RBFOX1: variants seen among roughly 807,000 people sequenced by gnomAD.
RBFOX1 encodes the protein RNA binding protein fox-1 homolog 1.
RBFOX1 carries 8 observed loss-of-function variants against 57.7 expected under a neutral mutation model. That is an observed-to-expected ratio of 0.14 (90% CI 0.08 to 0.25). The LOEUF is 0.25. RBFOX1 is among the 10% of genes least tolerant of loss of function. The probability of loss-of-function intolerance (pLI) is 1.00; values close to 1 mark genes in which losing one functional copy is unlikely to be tolerated. For missense variants in RBFOX1, 611 were observed against 548.5 expected, an observed-to-expected ratio of 1.11 and a Z score of -1.14; for synonymous variants, 326 against 222.4, an observed-to-expected ratio of 1.47 and a Z score of -4.15.
At chr16:5,734,216 C>A (rs923338397) in intron 3 of RBFOX1, among the ~76,000 whole-genome samples, 1 of 152,112 alleles carries the variant, frequency 6.6e-6, no homozygotes, top group Admixed American at 6.5e-5. Context: ...GCAATCTTAG[C>A]GCTTTGAGAG....
chr16:5,319,697 C>T (rs906057153), intron 1 of RBFOX1, among the ~76,000 whole-genome samples: 1 of 152,180 alleles, frequency 6.6e-6, no homozygotes, highest in African/African-American at 2.4e-5. Context: ...GAAAGTCACA[C>T]TAGAGGCTGC....
intron 3 of RBFOX1, among the ~76,000 whole-genome samples, chr16:5,856,335 T>TTA (rs55763325): frequency 0.058 from 6,091 of 104,484 alleles, 310 homozygotes; most frequent in East Asian, 0.16. Flanking sequence ...AACTGTTATA[T>TTA]TATATATATA....
rs118174360 is a variant in RBFOX1 at position 6,358,191 on chromosome 16, A to G, written c.-64+41134A>G. Among the ~76,000 whole-genome samples, 1,084 of 152,230 alleles carry G rather than the reference A, an allele frequency of 7.1e-3. 10 individuals are homozygous for G. Among genetic ancestry groups the G allele is most frequent in the Non-Finnish European group, 0.012 (787 of 67,996 alleles). ...TTCCTAATGTGCAGATCCATGAAAC[A>G]CTGACACCTCCTTCATGAGACTGTG... is the stretch of plus-strand genomic sequence containing the variant. On this transcript the variant is annotated intron_variant, in intron 2 of 15. Transcript: ENST00000550418.
chr16:7,336,982 G>T (rs1272359890), intron 4 of RBFOX1, among the ~76,000 whole-genome samples: 1 of 152,030 alleles, frequency 6.6e-6, no homozygotes, highest in East Asian at 1.9e-4. Context: ...CCCTGCTGAG[G>T]GCTTTACATA....
rs141054131 is a variant in RBFOX1, at chr16:6,575,969, C to T, written c.-63-78634C>T. Among the ~76,000 whole-genome samples, 850 of 151,882 alleles carry T rather than the reference C, an allele frequency of 5.6e-3. 19 individuals are homozygous for T. The highest frequency in any genetic ancestry group is 0.053 in the Admixed American group (804 of 15,240). ...AGTGATGGTGGTGGTAGGCATGGTG[C>T]GTTACATCAAAAAATAATTTTTTAT... On this transcript the variant is annotated intron_variant, in intron 2 of 15. Coordinates refer to ENST00000550418, the MANE Select transcript of RBFOX1 (RefSeq NM_018723.4).
chr16:6,974,607 A>G (rs2086384544), intron 3 of RBFOX1, among the ~76,000 whole-genome samples: 1 of 151,880 alleles, frequency 6.6e-6, no homozygotes. Flanking sequence ...GGCCTCCCAA[A>G]GTGCTGGGAT....
intron 3 of RBFOX1, among the ~76,000 whole-genome samples, chr16:5,857,563 G>A (rs1466041747): frequency 1.3e-5 from 2 of 152,150 alleles, no homozygotes; most frequent in Non-Finnish European, 2.9e-5. Flanking sequence ...GGCTGTGACA[G>A]CCAAATATGC....
At chr16:6,813,829 T>G (rs1248009223) in intron 3 of RBFOX1, among the ~76,000 whole-genome samples, 6 of 151,918 alleles carry the variant, frequency 3.9e-5, no homozygotes, top group Non-Finnish European at 8.8e-5. Flanking sequence ...GGAGGCGCTG[T>G]TGATACCCCC....
intron 3 of RBFOX1, among the ~76,000 whole-genome samples, chr16:6,821,189 GA>G (rs1366270477): frequency 1.3e-5 from 2 of 152,130 alleles, no homozygotes; most frequent in African/African-American, 2.4e-5. Context: ...GGCACTCCTG[GA>G]TTTGGCTAGA....
At chr16:6,781,853 T>A (rs1285110791) in intron 3 of RBFOX1, among the ~76,000 whole-genome samples, 1 of 152,176 alleles carries the variant, frequency 6.6e-6, no homozygotes. Flanking sequence ...GTTTTTATTT[T>A]CCAAAAACAA....
chr16:5,762,260 T>C (rs530517337), intron 3 of RBFOX1, among the ~76,000 whole-genome samples: 1 of 151,826 alleles, frequency 6.6e-6, no homozygotes, highest in African/African-American at 2.4e-5. Context: ...CCGGGACACT[T>C]GGAAAAATGT....
chr16:6,780,806 A>C (rs946462954), intron 3 of RBFOX1, among the ~76,000 whole-genome samples: 1 of 151,710 alleles, frequency 6.6e-6, no homozygotes, highest in Non-Finnish European at 1.5e-5. Context: ...AGAATTGTCT[A>C]TTCAGATGTT....
intron 3 of RBFOX1, among the ~76,000 whole-genome samples, chr16:5,658,899 G>C (rs2049553092): frequency 6.7e-6 from 1 of 149,628 alleles, no homozygotes; most frequent in East Asian, 2.0e-4. Context: ...ATCTCACATA[G>C]TTTCTTTATC....
At chr16:5,784,598 G>A (rs563240051) in intron 3 of RBFOX1, among the ~76,000 whole-genome samples, 94 of 152,222 alleles carry the variant, frequency 6.2e-4, no homozygotes, top group African/African-American at 2.2e-3. Context: ...CCATCCCCAT[G>A]ATTCGCTCAC....
intron 4 of RBFOX1, among the ~76,000 whole-genome samples, chr16:7,213,831 G>C (rs2091573860): frequency 6.6e-6 from 1 of 152,132 alleles, no homozygotes; most frequent in Non-Finnish European, 1.5e-5. Context: ...TTCTCTGATG[G>C]ATGAGGGTTG....
chr16:6,758,667 GAC>G (rs953033379), intron 3 of RBFOX1, among the ~76,000 whole-genome samples: 3 of 152,126 alleles, frequency 2.0e-5, no homozygotes, highest in African/African-American at 7.2e-5. Context: ...TTAGTAGCAA[GAC>G]ACACCACCAA....
chr16:5,370,363 C>G (rs2065826520), intron 1 of RBFOX1, among the ~76,000 whole-genome samples: 1 of 152,002 alleles, frequency 6.6e-6, no homozygotes, highest in Non-Finnish European at 1.5e-5. Flanking sequence ...TTGACGTCCT[C>G]CCTGGTGCCA....
intron 4 of RBFOX1, among the ~76,000 whole-genome samples, chr16:7,217,870 G>A (rs932889705): frequency 5.3e-5 from 8 of 151,854 alleles, no homozygotes; most frequent in South Asian, 2.1e-4. Flanking sequence ...GTGTGTACAC[G>A]CGTGTGTGCA....
chr16:7,362,306 T>TAGTTTG (rs201819915), intron 4 of RBFOX1, among the ~76,000 whole-genome samples: 5 of 146,364 alleles, frequency 3.4e-5, no homozygotes, highest in African/African-American at 7.8e-5. Context: ...TTTCGTGTGT[T>TAGTTTG]TGCGTGTGTG....
Sources: gnomAD v4.1 joint callset for allele counts (sites outside exome capture counted in the v4.1 genomes callset) on GRCh38, gnomAD v4.1.1 for gene constraint, MANE v1.5 for transcripts, NCBI Gene and HGNC (gene_info 2026-07-23, HGNC 2026-07-21) for gene names.